Variants in WIPF3 observed in about 807,000 individuals in gnomAD.
WIPF3 encodes the protein WAS/WASL-interacting protein family member 3.
In WIPF3, 33 loss-of-function variants were observed where a neutral mutation model predicts 38.9. That is an observed-to-expected ratio of 0.85 (90% CI 0.64 to 1.14). The LOEUF (loss-of-function observed/expected upper bound fraction) is 1.14, where lower values mean the gene tolerates loss of function less well. WIPF3 is among the 50% of genes most tolerant of loss of function. WIPF3 has a pLI of 0.00. For missense variants in WIPF3, 711 were observed against 652.5 expected, an observed-to-expected ratio of 1.09 and a Z score of -0.98; for synonymous variants, 324 against 269.3, an observed-to-expected ratio of 1.20 and a Z score of -1.99.
intron 7 of WIPF3, among the ~76,000 whole-genome samples, chr7:29,893,536 A>G (rs1786070655): frequency 6.6e-6 from 1 of 152,204 alleles, no homozygotes; most frequent in South Asian, 2.1e-4. Flanking sequence ...CCTCCCAGAC[A>G]GCCAGGCCCG....
At chr7:29,812,977 T>C (rs1784402498) in intron 1 of WIPF3, among the ~76,000 whole-genome samples, 1 of 151,956 alleles carries the variant, frequency 6.6e-6, no homozygotes, top group African/African-American at 2.4e-5. Context: ...CAGATCTGAA[T>C]TTCCATTTGC....
chr7:29,878,357 C>T lies in WIPF3; in HGVS notation c.224-652C>T, dbSNP rs1785646773. ...TTCTTGTCTAAGCTGAGTATCTTCTCGTTTTCTGTAGTTGGTAATCACACA... is the reference window on the plus strand; with the variant it reads ...TTCTTGTCTAAGCTGAGTATCTTCTTGTTTTCTGTAGTTGGTAATCACACA... On this transcript the variant is annotated intron_variant, in intron 3 of 8. Transcript: ENST00000242140. The surrounding 1 kb of genome is among the most constrained non-coding windows in gnomAD (Gnocchi z 4.0). Among the ~76,000 whole-genome samples, 1 of 152,164 alleles carries T rather than the reference C, an allele frequency of 6.6e-6. No homozygotes were observed. Among genetic ancestry groups the T allele is most frequent in the Admixed American group, 6.5e-5 (1 of 15,280 alleles).
intron 2 of WIPF3, among the ~76,000 whole-genome samples, chr7:29,861,586 T>C (rs1158258598): frequency 3.9e-5 from 6 of 152,222 alleles, no homozygotes; most frequent in Admixed American, 3.9e-4. Context: ...TATTGCTTGT[T>C]TATTGTTTCT....
At chr7:29,881,579 A>T (rs1370387383) in intron 4 of WIPF3, among the ~76,000 whole-genome samples, 1 of 152,146 alleles carries the variant, frequency 6.6e-6, no homozygotes, top group Non-Finnish European at 1.5e-5. Flanking sequence ...ATATTTTTTT[A>T]ATAGAGAAGA....
chr7:29,825,871 G>A (rs1440932087), intron 1 of WIPF3, among the ~76,000 whole-genome samples: 1 of 152,138 alleles, frequency 6.6e-6, no homozygotes, highest in Admixed American at 6.5e-5. Flanking sequence ...CAGCACTTCA[G>A]CAGATAATTA....
intron 1 of WIPF3, among the ~76,000 whole-genome samples, chr7:29,813,061 C>G (rs1201918025): frequency 6.6e-6 from 1 of 152,220 alleles, no homozygotes; most frequent in Non-Finnish European, 1.5e-5. Context: ...GCTTCCCACT[C>G]TCTCCTCCGT....
chr7:29,896,599 G>A (rs1279898141), intron 7 of WIPF3, among the ~76,000 whole-genome samples: 1 of 105,966 alleles, frequency 9.4e-6, no homozygotes, highest in African/African-American at 3.1e-5. Flanking sequence ...CTGGGTGCCA[G>A]AGCAAGACTG....
At chr7:29,821,067 C>T (rs1784530016) in intron 1 of WIPF3, among the ~76,000 whole-genome samples, 1 of 152,150 alleles carries the variant, frequency 6.6e-6, no homozygotes, top group Non-Finnish European at 1.5e-5. Flanking sequence ...TCTTGATTAG[C>T]TGACATTTTT....
rs367995338 is a variant in WIPF3 at position 29,904,602 on chromosome 7, A to G, written c.1428+240A>G. On this transcript the variant is annotated intron_variant, in intron 8 of 8. Transcript: ENST00000242140. ...CACCACTACATATAGAAGCAAGTTT[A>G]GCAACTCTGACATTCTGCAACAATC... The G allele has an allele frequency of 2.0e-3, 988 of 491,164 alleles. 24 individuals are homozygous for G. In the South Asian group the frequency reaches 0.03, roughly 15 times the overall value. 30.4% of individuals were successfully genotyped at this position (491,164 alleles called of 1,614,324 possible). A position where few individuals can be genotyped will look rare whatever the true frequency, so the allele number is the denominator to read the frequency against.
intron 7 of WIPF3, among the ~76,000 whole-genome samples, chr7:29,902,265 C>CTTTTTTT (rs141174377): frequency 1.5e-3 from 173 of 116,360 alleles, no homozygotes; most frequent in East Asian, 3.4e-3. Flanking sequence ...TTTTCTTCTT[C>CTTTTTTT]TTCTTCTTCT....
intron 1 of WIPF3, among the ~76,000 whole-genome samples, chr7:29,833,278 C>T (rs763839578): frequency 5.9e-5 from 9 of 152,176 alleles, no homozygotes; most frequent in Admixed American, 2.6e-4. Context: ...ATGCACTTAA[C>T]GCCACTGAAT....
intron 2 of WIPF3, among the ~76,000 whole-genome samples, chr7:29,861,881 A>T (rs1785284157): frequency 6.6e-6 from 1 of 152,200 alleles, no homozygotes; most frequent in Admixed American, 6.5e-5. Flanking sequence ...TTATTTGGGG[A>T]AAATCAGGTA....
chr7:29,843,923 C>A (rs572077312), intron 2 of WIPF3, among the ~76,000 whole-genome samples: 1 of 152,172 alleles, frequency 6.6e-6, no homozygotes, highest in South Asian at 2.1e-4. Flanking sequence ...AGCTCCACAT[C>A]TAGTGGTGCT....
intron 2 of WIPF3, among the ~76,000 whole-genome samples, chr7:29,850,731 A>G (rs751535880): frequency 3.3e-5 from 5 of 152,144 alleles, no homozygotes; most frequent in East Asian, 1.9e-4. Flanking sequence ...ACCAATAAAC[A>G]TGATTCCAGG....
intron 8 of WIPF3, chr7:29,906,074 G>C (rs1315046095): frequency 6.6e-6 from 1 of 152,108 alleles, no homozygotes; most frequent in Non-Finnish European, 1.5e-5. Context: ...GGGACAGAGA[G>C]AATTGATATC....
chr7:29,819,334 T>A (rs1036994453), intron 1 of WIPF3, among the ~76,000 whole-genome samples: 2 of 152,106 alleles, frequency 1.3e-5, no homozygotes, highest in Non-Finnish European at 2.9e-5. Flanking sequence ...CAAAATCTTT[T>A]AATGTCTTCT....
At chr7:29,834,624 G>A in intron 1 of WIPF3, 44 bp from the exon 2 acceptor site, 2 of 1,384,554 alleles carry the variant, frequency 1.4e-6, no homozygotes, top group Non-Finnish European at 1.9e-6. Context: ...CTGCATGTAA[G>A]TAAAGAAATC....
chr7:29,907,746 G>T (rs1038574761), intron 8 of WIPF3, among the ~76,000 whole-genome samples: 14 of 152,096 alleles, frequency 9.2e-5, no homozygotes, highest in African/African-American at 3.4e-4. Flanking sequence ...GGACTTCCCA[G>T]CCTCTACAAA....
chr7:29,870,248 G>T (rs1361835155), intron 2 of WIPF3, among the ~76,000 whole-genome samples: 3 of 152,152 alleles, frequency 2.0e-5, no homozygotes, highest in African/African-American at 7.2e-5. Flanking sequence ...GAGGGGATTT[G>T]AATCCTCAGG....
Sources: gnomAD v4.1 joint callset for allele counts (sites outside exome capture counted in the v4.1 genomes callset) on GRCh38, gnomAD v4.1.1 for gene constraint, Gnocchi (gnomAD v3.1) non-coding constraint, MANE v1.5 for transcripts, NCBI Gene and HGNC (gene_info 2026-07-23, HGNC 2026-07-21) for gene names.